The following BTG4 variants were observed in gnomAD, a reference collection of about 807,000 sequenced individuals.
BTG4 encodes the protein protein BTG4.
A neutral mutation model predicts 19.3 loss-of-function variants in BTG4; 10 were observed. That is an observed-to-expected ratio of 0.52 (90% CI 0.32 to 0.88). The LOEUF is 0.88. Among genes scored for constraint, BTG4 ranks in the 40% least tolerant of loss-of-function variants. The pLI is 0.04. For missense variants in BTG4, 238 were observed against 281.9 expected (o/e 0.84, Z 1.11); for synonymous variants, 91 against 95.7 (o/e 0.95, Z 0.29).
At chr11:111,387,384 G>A in the BTG4 span, among the ~76,000 whole-genome samples, 1 of 152,142 alleles carries the variant, frequency 6.6e-6, no homozygotes, top group Non-Finnish European at 1.5e-5. Context: ...GTTTTATTGT[G>A]CCTTCAATAA....
the BTG4 span, among the ~76,000 whole-genome samples, chr11:111,425,754 G>A: frequency 3.3e-5 from 5 of 152,144 alleles, no homozygotes; most frequent in East Asian, 3.8e-4. Context: ...ATCTGAGGGC[G>A]GGCACAGTGG....
intron 5 of BTG4, among the ~76,000 whole-genome samples, chr11:111,478,702 A>G (rs1454077446): frequency 6.6e-6 from 1 of 152,166 alleles, no homozygotes; most frequent in Non-Finnish European, 1.5e-5. Context: ...TTAGAAATGA[A>G]AAATGTAAAA....
At chr11:111,408,558 C>T in the BTG4 span, among the ~76,000 whole-genome samples, 1 of 152,198 alleles carries the variant, frequency 6.6e-6, no homozygotes, top group Admixed American at 6.5e-5. Flanking sequence ...AAACAGGGGA[C>T]CAGGTGTACA....
intron 5 of BTG4, chr11:111,475,176 A>G (rs1864327300): frequency 1.3e-5 from 2 of 152,570 alleles, no homozygotes; most frequent in Admixed American, 6.5e-5. Flanking sequence ...ACATCTGATG[A>G]AGCTGATAAG....
chr11:111,455,326 TG>T, the BTG4 span: 1 of 301,050 alleles, frequency 3.3e-6, no homozygotes, highest in Admixed American at 4.0e-5. Context: ...TCCCCGAGCT[TG>T]CTGTCCCTGG....
At chr11:111,480,910 C>T (rs1434128582) in intron 5 of BTG4, among the ~76,000 whole-genome samples, 1 of 150,468 alleles carries the variant, frequency 6.6e-6, no homozygotes, top group African/African-American at 2.4e-5. Context: ...GTAAAATAAA[C>T]CCAAAGCAAG....
chr11:111,410,847 T>C, the BTG4 span, among the ~76,000 whole-genome samples: 2 of 152,248 alleles, frequency 1.3e-5, no homozygotes. Context: ...ATGGCAATCA[T>C]ATCTAAGTTT....
chr11:111,439,541 C>A, the BTG4 span, among the ~76,000 whole-genome samples: 1 of 152,212 alleles, frequency 6.6e-6, no homozygotes, highest in African/African-American at 2.4e-5. Flanking sequence ...CAGAAACATT[C>A]ATCCCCAAGT....
the BTG4 span, chr11:111,404,632 A>C: frequency 4.4e-6 from 2 of 456,284 alleles, no homozygotes; most frequent in South Asian, 3.1e-5. Flanking sequence ...ATCTCTGATG[A>C]AGAAATACAT....
the BTG4 span, among the ~76,000 whole-genome samples, chr11:111,430,191 T>A: frequency 4.6e-5 from 7 of 152,188 alleles, no homozygotes; most frequent in Non-Finnish European, 1.5e-5. Context: ...GTGCCCAAGG[T>A]TGCCAGGGTA....
chr11:111,471,362 C>T (rs532120667), intron 5 of BTG4, among the ~76,000 whole-genome samples: 6 of 152,130 alleles, frequency 3.9e-5, no homozygotes, highest in Non-Finnish European at 8.8e-5. Context: ...ATAATGATGT[C>T]GGTAATCCAG....
At chr11:111,427,386 T>C in the BTG4 span, among the ~76,000 whole-genome samples, 1 of 152,180 alleles carries the variant, frequency 6.6e-6, no homozygotes, top group Non-Finnish European at 1.5e-5. Flanking sequence ...CACCCAGCAC[T>C]GCCGAACACC....
the BTG4 span, among the ~76,000 whole-genome samples, chr11:111,412,357 T>C: frequency 6.7e-6 from 1 of 149,076 alleles, no homozygotes; most frequent in South Asian, 2.1e-4. Flanking sequence ...TAAAGTTTAC[T>C]ATCTGTATTT....
upstream of BTG4, chr11:111,514,562 G>GT: frequency 3.7e-6 from 2 of 547,422 alleles, no homozygotes; most frequent in Non-Finnish European, 6.6e-6. Flanking sequence ...CAAAGTTGAC[G>GT]TTTTGACTCT....
intron 1 of BTG4, among the ~76,000 whole-genome samples, chr11:111,511,531 A>G (rs1377941552): frequency 1.3e-5 from 2 of 152,216 alleles, no homozygotes; most frequent in African/African-American, 4.8e-5. Flanking sequence ...GGTGTCAGCA[A>G]TGGGTGCTCT....
At chr11:111,509,905 T>G (rs1397701370) in intron 1 of BTG4, among the ~76,000 whole-genome samples, 1 of 148,412 alleles carries the variant, frequency 6.7e-6, no homozygotes, top group East Asian at 2.0e-4. Flanking sequence ...TTCTTTTTTC[T>G]TTTTTCTTTT....
chr11:111,412,215 G>C, the BTG4 span, among the ~76,000 whole-genome samples: 1 of 152,220 alleles, frequency 6.6e-6, no homozygotes, highest in Admixed American at 6.5e-5. Flanking sequence ...AGCCCACTTT[G>C]TGATGTGGAG....
chr11:111,484,695 C>T (rs535450085), intron 5 of BTG4, among the ~76,000 whole-genome samples: 2 of 152,178 alleles, frequency 1.3e-5, no homozygotes, highest in South Asian at 4.2e-4. Context: ...GAGGGAATCA[C>T]TTTTACACAA....
At chr11:111,443,152 C>T in the BTG4 span, among the ~76,000 whole-genome samples, 2 of 152,184 alleles carry the variant, frequency 1.3e-5, no homozygotes, top group Non-Finnish European at 2.9e-5. Flanking sequence ...ACCTCCAGTC[C>T]AAGCGTTAGA....
Sources: gnomAD v4.1 joint callset for allele counts (sites outside exome capture counted in the v4.1 genomes callset) on GRCh38, gnomAD v4.1.1 for gene constraint, MANE v1.5 for transcripts, NCBI Gene and HGNC (gene_info 2026-07-23, HGNC 2026-07-21) for gene names.